Variants in ARID1B observed in about 807,000 individuals in gnomAD.
ARID1B encodes AT-rich interaction domain 1B, also known as AT-rich interactive domain-containing protein 1B.
A neutral mutation model predicts 212.3 loss-of-function variants in ARID1B; 30 were observed. The ratio of observed to expected loss-of-function variants is 0.14; its 90% confidence interval spans 0.11 to 0.19. The LOEUF (loss-of-function observed/expected upper bound fraction) is 0.19, where lower values mean the gene tolerates loss of function less well. Among genes scored for constraint, ARID1B ranks in the 10% least tolerant of loss-of-function variants. The pLI is 1.00. For missense variants in ARID1B, 2,891 were observed against 3,204.0 expected (o/e 0.90, Z 2.36); for synonymous variants, 1,402 against 1,301.7 (o/e 1.08, Z -1.66).
intron 2 of ARID1B, among the ~76,000 whole-genome samples, chr6:156,859,332 A>C (rs983533919): frequency 1.3e-5 from 2 of 152,226 alleles, no homozygotes; most frequent in African/African-American, 4.8e-5. Context: ...TATGTGGTAC[A>C]TGACTGTAAA....
At chr6:156,894,524 G>A (rs532114687) in intron 2 of ARID1B, among the ~76,000 whole-genome samples, 32 of 152,304 alleles carry the variant, frequency 2.1e-4, no homozygotes, top group African/African-American at 6.5e-4. Context: ...TGGAAGATAA[G>A]GAGAAAGGTG....
At chr6:157,007,993 T>C (rs894122316) in intron 4 of ARID1B, among the ~76,000 whole-genome samples, 5 of 152,230 alleles carry the variant, frequency 3.3e-5, no homozygotes, top group Non-Finnish European at 5.9e-5. Context: ...CCCTAAGTTT[T>C]AAAAACTTTT....
chr6:156,824,133 C>T (rs1307350626), intron 1 of ARID1B, among the ~76,000 whole-genome samples: 1 of 152,280 alleles, frequency 6.6e-6, no homozygotes, highest in Admixed American at 6.5e-5. Flanking sequence ...CTCCTACTTA[C>T]ATGTACATCC....
Position 157,200,756 on chromosome 6 carries a change from G to A in ARID1B, c.4531G>A (p.Glu1511Lys), listed in dbSNP as rs1199179337. ...GMYGPPAKRH[E>K]GDMYNMQYSS... Reference sequence around the variant, plus strand: ...GTACGGGCCCCCAGCCAAGCGCCACGAGGGCGACATGTACAACATGCAGTA... The same window carrying A: ...GTACGGGCCCCCAGCCAAGCGCCACAAGGGCGACATGTACAACATGCAGTA... Residue 1511 changes from glutamate to lysine, a missense_variant, in exon 18 of 20, where the codon GAG becomes AAG. Transcript: ENST00000636930. This position sits in a 1 kb window ranked among gnomAD's most constrained non-coding sequence, Gnocchi z 4.3. 32 of 1,613,526 alleles carry A rather than the reference G, an allele frequency of 2.0e-5. No individual in the cohort carries two copies. The highest frequency in any genetic ancestry group is 2.5e-5 in the Non-Finnish European group (29 of 1,179,910).
chr6:157,186,225 C>A (rs1583472855), intron 13 of ARID1B: 2 of 337,090 alleles, frequency 5.9e-6, no homozygotes, highest in East Asian at 1.6e-4. Context: ...AAGTGGAGGG[C>A]CTGTTCTCTT....
chr6:157,151,903 A>T (rs971466144), intron 8 of ARID1B: 1 of 152,268 alleles, frequency 6.6e-6, no homozygotes, highest in Non-Finnish European at 1.5e-5. Flanking sequence ...TAGACAGAAC[A>T]AATGATAATT....
intron 2 of ARID1B, among the ~76,000 whole-genome samples, chr6:156,883,881 T>C (rs1787299942): frequency 6.6e-6 from 1 of 152,198 alleles, no homozygotes; most frequent in Non-Finnish European, 1.5e-5. Flanking sequence ...TCTCTTTCTC[T>C]GGCAATGGCA....
At position 157,017,900 on chromosome 6, in the gene ARID1B, CAGA is replaced by C. The variant is rs558157343; in HGVS notation, c.2248-66759_2248-66757del. 4.3e-5 allele frequency among the ~76,000 whole-genome samples: 6 copies of C among 138,316 alleles called. No individual in the cohort carries two copies. The South Asian group carries it at 1.3e-3, about 31-fold the overall frequency. The allele number at this position is 138,316 out of a possible 152,430, so 90.7% of individuals were successfully genotyped here. ...CAGCACTTTGGGAAGCTGAGGCAGA[CAGA>C]AGGATTGCTTGAGCCCAGGAGTTGG... On this transcript the variant is annotated intron_variant, in intron 4 of 19. Coordinates refer to ENST00000636930, the MANE Select transcript of ARID1B (RefSeq NM_001374828.1).
rs2128374084 is a variant in ARID1B, at chr6:157,201,038, G to A, written c.4813G>A (p.Gly1605Ser). 6.2e-7 allele frequency: 1 copy of A among 1,613,856 alleles called. No individual in the cohort carries two copies. Among genetic ancestry groups the A allele is most frequent in the Non-Finnish European group, 8.5e-7 (1 of 1,179,810 alleles). Residue 1605 changes from glycine to serine, a missense_variant, in exon 18 of 20, where the codon GGC becomes AGC. Transcript: ENST00000636930. The surrounding 1 kb of genome is among the most constrained non-coding windows in gnomAD (Gnocchi z 5.2). ...TCCCTACCAGAACAGGCAGGGCCCT[G>A]GCGGCCCTACACAGGCGCCCCCTTA... ...PYPYQNRQGPGGPTQAPPYPG... is the reference protein window; with the variant it reads ...PYPYQNRQGPSGPTQAPPYPG...
chr6:156,780,136 A>G (rs528827987), intron 1 of ARID1B, among the ~76,000 whole-genome samples: 15 of 152,296 alleles, frequency 9.8e-5, no homozygotes, highest in African/African-American at 3.6e-4. Context: ...AATATTGTAA[A>G]ATACATCGAT....
At chr6:156,883,205 G>A (rs1218622841) in intron 2 of ARID1B, among the ~76,000 whole-genome samples, 2 of 152,120 alleles carry the variant, frequency 1.3e-5, no homozygotes, top group South Asian at 2.1e-4. Flanking sequence ...TATGTTAACC[G>A]TCTTTATTCT....
At chr6:156,931,877 G>A (rs879267422) in intron 3 of ARID1B, among the ~76,000 whole-genome samples, 6 of 150,170 alleles carry the variant, frequency 4.0e-5, no homozygotes, top group African/African-American at 9.9e-5. Context: ...CAGGAGAATC[G>A]CTTCAACCCG....
intron 4 of ARID1B, among the ~76,000 whole-genome samples, chr6:156,978,266 C>A (rs61625647): frequency 0.039 from 5,909 of 152,300 alleles, 166 homozygotes; most frequent in African/African-American, 0.079. Flanking sequence ...GTGTTCCAGG[C>A]AGTTTGCTGG....
At chr6:156,886,790 G>A (rs1787544297) in intron 2 of ARID1B, among the ~76,000 whole-genome samples, 1 of 152,178 alleles carries the variant, frequency 6.6e-6, no homozygotes, top group South Asian at 2.1e-4. Flanking sequence ...AAGGAGGAAG[G>A]GAATGGATAC....
intron 2 of ARID1B, among the ~76,000 whole-genome samples, chr6:156,870,942 C>G (rs1160364638): frequency 6.6e-6 from 1 of 152,120 alleles, no homozygotes; most frequent in African/African-American, 2.4e-5. Flanking sequence ...AAACCATGTT[C>G]CTAAAGTCTG....
At chr6:157,028,544 A>G (rs1309969953) in intron 4 of ARID1B, among the ~76,000 whole-genome samples, 1 of 152,248 alleles carries the variant, frequency 6.6e-6, no homozygotes, top group East Asian at 1.9e-4. Flanking sequence ...GAAATAATGA[A>G]TAGATAACTA....
In ARID1B at chr6:157,200,669, G is replaced by A; in HGVS notation, c.4480-36G>A. 6.4e-7 allele frequency: 1 copy of A among 1,559,048 alleles called. No homozygotes were observed. Among genetic ancestry groups the A allele is most frequent in the Admixed American group, 1.9e-5 (1 of 52,588 alleles). On this transcript the variant is annotated intron_variant, in intron 17 of 19. Coordinates refer to ENST00000636930, the MANE Select transcript of ARID1B (RefSeq NM_001374828.1). The surrounding 1 kb of genome is among the most constrained non-coding windows in gnomAD (Gnocchi z 4.3). ...TCAGTGTGTGATTATACCTGTAAGA[G>A]CACATCAGGATGATTTGTCTTTCTG... is the stretch of plus-strand genomic sequence containing the variant.
chr6:156,988,034 T>G (rs1442972929), intron 4 of ARID1B, among the ~76,000 whole-genome samples: 3 of 152,188 alleles, frequency 2.0e-5, no homozygotes, highest in Admixed American at 2.0e-4. Context: ...TTTCTTTCAT[T>G]CTAGATGCTT....
rs555196059 is a variant in ARID1B, at chr6:156,908,429, T to G, written c.2136+6904T>G. Among the ~76,000 whole-genome samples the G allele has an allele frequency of 4.1e-4, 63 of 152,300 alleles. No individual in the cohort carries two copies. The South Asian group carries it at 8.3e-3, about 20-fold the overall frequency. ...TTCATAATGGTTTTTCTTCTTTTAT[T>G]CTTGATAAAACCATTTCCAAAGTGA... On this transcript the variant is annotated intron_variant, in intron 3 of 19. Coordinates refer to ENST00000636930, the MANE Select transcript of ARID1B (RefSeq NM_001374828.1).
Sources: gnomAD v4.1 joint callset for allele counts (sites outside exome capture counted in the v4.1 genomes callset) on GRCh38, gnomAD v4.1.1 for gene constraint, Gnocchi (gnomAD v3.1) non-coding constraint, MANE v1.5 for transcripts, NCBI Gene and HGNC (gene_info 2026-07-23, HGNC 2026-07-21) for gene names.